RASSF3: variants seen among roughly 807,000 people sequenced by gnomAD.
RASSF3 encodes Ras association domain family member 3.
Under a neutral mutation model 19.9 loss-of-function variants are expected in RASSF3, and 19 were observed. That is an observed-to-expected ratio of 0.96 (90% CI 0.67 to 1.40). The LOEUF (loss-of-function observed/expected upper bound fraction) is 1.40. RASSF3 is among the 40% of genes most tolerant of loss of function. The pLI is 0.00. For synonymous variants in RASSF3, 110 were observed against 104.2 expected, an observed-to-expected ratio of 1.06 and a Z score of -0.34; for missense variants, 306 against 289.8, an observed-to-expected ratio of 1.06 and a Z score of -0.41.
At chr12:64,649,096 G>A (rs929808353) in intron 1 of RASSF3, among the ~76,000 whole-genome samples, 3 of 151,274 alleles carry the variant, frequency 2.0e-5, no homozygotes, top group Non-Finnish European at 2.9e-5. Context: ...GTAAAGGAAT[G>A]AGTCCAGCTA....
At chr12:64,562,373 C>T (rs1423778345) in intron 2 of RASSF3, among the ~76,000 whole-genome samples, 2 of 152,086 alleles carry the variant, frequency 1.3e-5, no homozygotes, top group Non-Finnish European at 2.9e-5. Context: ...ATATAAGCTC[C>T]TTAGACATCC....
intron 1 of RASSF3, among the ~76,000 whole-genome samples, chr12:64,683,990 G>A (rs1346416841): frequency 1.2e-5 from 1 of 82,518 alleles, no homozygotes; most frequent in African/African-American, 4.4e-5. Context: ...GGGAGAGAAG[G>A]AGAGAGAGAG....
At chr12:64,610,410 C>G (rs61931626), upstream of RASSF3, 3,966 of 157,382 alleles carry the variant, frequency 0.025, 90 homozygotes, top group Non-Finnish European at 0.039. Flanking sequence ...GGGGCGGGGC[C>G]CAGGGAGGCG....
At chr12:64,606,797 AGAGT>A (rs1423831052), upstream of RASSF3, among the ~76,000 whole-genome samples, 1 of 152,194 alleles carries the variant, frequency 6.6e-6, no homozygotes, top group African/African-American at 2.4e-5. Context: ...CCTGGGTGAC[AGAGT>A]GAGACTGCGT....
intron 2 of RASSF3, among the ~76,000 whole-genome samples, chr12:64,548,921 G>T (rs1005196211): frequency 3.9e-5 from 6 of 152,138 alleles, no homozygotes; most frequent in Admixed American, 3.3e-4. Flanking sequence ...AGTAATTTTT[G>T]TAAGCCCTTG....
downstream of RASSF3, among the ~76,000 whole-genome samples, chr12:64,544,055 C>T (rs566325922): frequency 1.3e-5 from 2 of 152,240 alleles, no homozygotes; most frequent in East Asian, 3.9e-4. Flanking sequence ...AAGCAGGCTG[C>T]CAGAGCACGC....
intron 2 of RASSF3, among the ~76,000 whole-genome samples, chr12:64,563,850 A>G (rs1869386597): frequency 6.6e-6 from 1 of 152,110 alleles, no homozygotes; most frequent in Non-Finnish European, 1.5e-5. Flanking sequence ...AACATATTAC[A>G]TACTCTGTTA....
At chr12:64,525,658 G>A (rs1161948978) in intron 1 of RASSF3, among the ~76,000 whole-genome samples, 1 of 152,162 alleles carries the variant, frequency 6.6e-6, no homozygotes, top group Non-Finnish European at 1.5e-5. Context: ...AAAATGGGCT[G>A]GCAGGTGGCA....
intron 2 of RASSF3, among the ~76,000 whole-genome samples, chr12:64,685,118 T>G (rs998143312): frequency 4.6e-5 from 7 of 152,208 alleles, no homozygotes; most frequent in African/African-American, 1.7e-4. Flanking sequence ...CTTAAAAAAG[T>G]GAAACACTTA....
chr12:64,641,414 A>ACACACACACACGCGCGCG, intron 1 of RASSF3, among the ~76,000 whole-genome samples: 5 of 142,100 alleles, frequency 3.5e-5, no homozygotes, highest in African/African-American at 1.4e-4. Flanking sequence ...ACACACACAC[A>ACACACACACACGCGCGCG]CGCGCGCGCG....
intron 2 of RASSF3, among the ~76,000 whole-genome samples, chr12:64,598,358 A>G (rs1408766344): frequency 1.3e-5 from 2 of 152,196 alleles, no homozygotes; most frequent in South Asian, 2.1e-4. Flanking sequence ...TAACTAGTTT[A>G]TAAGGTTTTG....
intron 1 of RASSF3, among the ~76,000 whole-genome samples, chr12:64,509,454 A>C (rs982858000): frequency 6.6e-6 from 1 of 152,182 alleles, no homozygotes; most frequent in Non-Finnish European, 1.5e-5. Flanking sequence ...AGCCTCAAAA[A>C]ATAAAAATAA....
At chr12:64,525,518 G>C (rs961400024) in intron 1 of RASSF3, among the ~76,000 whole-genome samples, 1 of 152,106 alleles carries the variant, frequency 6.6e-6, no homozygotes, top group African/African-American at 2.4e-5. Flanking sequence ...CCATGCCTGG[G>C]TCAGGCAGCT....
intron 1 of RASSF3, chr12:64,628,487 T>C (rs1871064989): frequency 6.6e-6 from 1 of 152,192 alleles, no homozygotes; most frequent in Non-Finnish European, 1.5e-5. Flanking sequence ...TTCATTTCCT[T>C]TGGAAGATTA....
intron 1 of RASSF3, among the ~76,000 whole-genome samples, chr12:64,627,403 A>G (rs1438160041): frequency 1.3e-5 from 2 of 152,224 alleles, no homozygotes; most frequent in South Asian, 2.1e-4. Context: ...TTGGGGGAAG[A>G]TGACATTTTA....
chr12:64,555,137 G>A (rs1869235601), intron 2 of RASSF3, among the ~76,000 whole-genome samples: 1 of 151,972 alleles, frequency 6.6e-6, no homozygotes, highest in African/African-American at 2.4e-5. Flanking sequence ...CCAGCTACTC[G>A]GGAGGCTGAG....
chr12:64,604,754 C>T (rs1186045176), intron 2 of RASSF3, among the ~76,000 whole-genome samples: 2 of 151,860 alleles, frequency 1.3e-5, no homozygotes, highest in Non-Finnish European at 2.9e-5. Context: ...TCTCCTGCCT[C>T]AGCCTCCCGA....
chr12:64,553,591 C>A (rs1869202419), intron 2 of RASSF3, among the ~76,000 whole-genome samples: 1 of 152,148 alleles, frequency 6.6e-6, no homozygotes, highest in Non-Finnish European at 1.5e-5. Flanking sequence ...TGTCAGGCAA[C>A]CTGACTTCCT....
intron 1 of RASSF3, among the ~76,000 whole-genome samples, chr12:64,667,937 G>A (rs1284012781): frequency 6.6e-6 from 1 of 152,206 alleles, no homozygotes; most frequent in Non-Finnish European, 1.5e-5. Flanking sequence ...CACCTGGAAA[G>A]ATGTACTTTC....
Sources: gnomAD v4.1 joint callset for allele counts (sites outside exome capture counted in the v4.1 genomes callset) on GRCh38, gnomAD v4.1.1 for gene constraint, MANE v1.5 for transcripts, NCBI Gene and HGNC (gene_info 2026-07-23, HGNC 2026-07-21) for gene names.